NEDD4L: variants seen among roughly 807,000 people sequenced by gnomAD.
NEDD4L encodes E3 ubiquitin-protein ligase NEDD4-like.
NEDD4L carries 54 observed loss-of-function variants against 148.9 expected under a neutral mutation model. That is an observed-to-expected ratio of 0.36 (90% confidence interval 0.29 to 0.45). The LOEUF (loss-of-function observed/expected upper bound fraction) is 0.45. Among genes scored for constraint, NEDD4L ranks in the 20% least tolerant of loss-of-function variants. The pLI, the probability that NEDD4L is intolerant of heterozygous loss-of-function variation, is 1.00. For synonymous variants in NEDD4L, 433 were observed against 440.7 expected (o/e 0.98, Z 0.22); for missense variants, 856 against 1,233.8 (o/e 0.69, Z 4.59).
At chr18:58,118,622 A>G (rs991947488) in intron 1 of NEDD4L, among the ~76,000 whole-genome samples, 2 of 151,742 alleles carry the variant, frequency 1.3e-5, no homozygotes, top group East Asian at 3.9e-4. Context: ...GTGTGTATGT[A>G]TGTGTCTGTG....
Position 58,335,522 on chromosome 18 carries a change from T to C in NEDD4L, c.1110T>C (p.Gly370=). Residue 370 remains glycine (G), a synonymous_variant, in exon 13 of 31, where the codon GGT becomes GGC. Coordinates refer to ENST00000400345, the MANE Select transcript of NEDD4L (RefSeq NM_001144967.3). ...AGRARSSTVT[G]GEEPTPSVAY... ...GAGCGCGTTCATCAACTGTCACGGGTGGTGAGGAACCAACGGTAATGATCC... is the reference window on the plus strand; with the variant it reads ...GAGCGCGTTCATCAACTGTCACGGGCGGTGAGGAACCAACGGTAATGATCC... 1 of 1,613,440 alleles carries C rather than the reference T, an allele frequency of 6.2e-7. No homozygotes were observed. The highest frequency in any genetic ancestry group is 1.1e-5 in the South Asian group (1 of 91,060).
At chr18:58,095,600 G>A (rs1189942420) in intron 1 of NEDD4L, among the ~76,000 whole-genome samples, 1 of 152,218 alleles carries the variant, frequency 6.6e-6, no homozygotes, top group Admixed American at 6.5e-5. Flanking sequence ...TTGGTCCCAT[G>A]GAATCCTCGC....
intron 2 of NEDD4L, among the ~76,000 whole-genome samples, chr18:58,179,743 C>A (rs906041367): frequency 6.6e-6 from 1 of 150,828 alleles, no homozygotes; most frequent in Non-Finnish European, 1.5e-5. Context: ...TCCCCCATCA[C>A]CCCTAGATGG....
intron 2 of NEDD4L, among the ~76,000 whole-genome samples, chr18:58,196,284 C>T (rs1208084858): frequency 2.6e-5 from 4 of 152,186 alleles, no homozygotes; most frequent in Non-Finnish European, 4.4e-5. Flanking sequence ...GGACAACATA[C>T]TTCTCTATTG....
intron 1 of NEDD4L, among the ~76,000 whole-genome samples, chr18:58,099,045 GCT>G (rs371075319): frequency 0.028 from 4,221 of 152,146 alleles, 201 homozygotes; most frequent in African/African-American, 0.094. Context: ...CTTTTTTCTA[GCT>G]CCACATTGGG....
At chr18:58,175,725 C>T (rs193196032) in intron 2 of NEDD4L, among the ~76,000 whole-genome samples, 1 of 152,230 alleles carries the variant, frequency 6.6e-6, no homozygotes, top group Non-Finnish European at 1.5e-5. Context: ...TCCCACCCCC[C>T]AAACCGAAAT....
chr18:58,363,685 A>G (rs1208389697), intron 19 of NEDD4L, among the ~76,000 whole-genome samples: 3 of 152,228 alleles, frequency 2.0e-5, no homozygotes, highest in African/African-American at 7.2e-5. Context: ...TGAGATTTAA[A>G]GAAATCCTTG....
chr18:58,156,834 C>T (rs1345936384), intron 1 of NEDD4L, among the ~76,000 whole-genome samples: 1 of 152,120 alleles, frequency 6.6e-6, no homozygotes, highest in Admixed American at 6.5e-5. Context: ...GCCACCTCCT[C>T]CTCCTTCCCA....
intron 19 of NEDD4L, among the ~76,000 whole-genome samples, chr18:58,357,769 C>T (rs1056763289): frequency 1.1e-4 from 17 of 152,044 alleles, no homozygotes; most frequent in Admixed American, 7.9e-4. Flanking sequence ...TCATATATGC[C>T]GGGTGGAAAA....
chr18:58,124,554 C>T (rs1446302066), intron 1 of NEDD4L, among the ~76,000 whole-genome samples: 1 of 152,094 alleles, frequency 6.6e-6, no homozygotes, highest in African/African-American at 2.4e-5. Context: ...GCCTCCTCAC[C>T]TCTGTGCTCC....
intron 5 of NEDD4L, among the ~76,000 whole-genome samples, chr18:58,262,778 G>T (rs1382484176): frequency 2.0e-5 from 3 of 152,198 alleles, no homozygotes; most frequent in African/African-American, 7.2e-5. Context: ...GAGAATAAAT[G>T]AGTAACTCAG....
At chr18:58,234,227 T>TC (rs1246268531) in intron 2 of NEDD4L, among the ~76,000 whole-genome samples, 1 of 137,020 alleles carries the variant, frequency 7.3e-6, no homozygotes, top group Admixed American at 7.3e-5. Flanking sequence ...CTTCCTTCCT[T>TC]CTTTCTTTTA....
At chr18:58,270,693 G>A (rs1026430401) in intron 5 of NEDD4L, among the ~76,000 whole-genome samples, 1 of 152,104 alleles carries the variant, frequency 6.6e-6, no homozygotes, top group Non-Finnish European at 1.5e-5. Flanking sequence ...ATGATCTTGA[G>A]ATGTTTGCTG....
Position 58,256,591 on chromosome 18 carries a change from C to CCGCA in NEDD4L, c.297+4538_297+4541dup. On this transcript the variant is annotated intron_variant, in intron 5 of 30. Coordinates refer to ENST00000400345, the MANE Select transcript of NEDD4L (RefSeq NM_001144967.3). This position sits in a 1 kb window ranked among gnomAD's most constrained non-coding sequence, Gnocchi z 5.2. ...GAGCTGGCAGGATGGCTCCTGAAAT[C>CCGCA]CGCAGGACGAACTCCGCGGAGAGGA... The CCGCA allele has an allele frequency of 1.6e-6, 2 of 1,232,266 alleles. No individual in the cohort carries two copies. Among genetic ancestry groups the CCGCA allele is most frequent in the Non-Finnish European group, 2.0e-6 (2 of 988,062 alleles). The allele number at this position is 1,232,266 out of a possible 1,614,324, so 76.3% of individuals were successfully genotyped here. A position where few individuals can be genotyped will look rare whatever the true frequency, so the allele number is the denominator to read the frequency against.
intron 2 of NEDD4L, among the ~76,000 whole-genome samples, chr18:58,225,188 G>T (rs1174875468): frequency 6.6e-6 from 1 of 152,188 alleles, no homozygotes; most frequent in Non-Finnish European, 1.5e-5. Context: ...CCTGTCACCC[G>T]TGTGGAACTG....
At chr18:58,253,898 A>G (rs771400836) in intron 5 of NEDD4L, among the ~76,000 whole-genome samples, 7 of 152,186 alleles carry the variant, frequency 4.6e-5, no homozygotes, top group African/African-American at 7.2e-5. Context: ...AATACAAGCT[A>G]TATCTGAAAA....
chr18:58,050,443 C>G (rs1156910634), intron 1 of NEDD4L, among the ~76,000 whole-genome samples: 7 of 151,846 alleles, frequency 4.6e-5, no homozygotes, highest in African/African-American at 1.7e-4. Flanking sequence ...GCACTCCAGA[C>G]TGGGTGACAG....
rs149106354 is a variant in NEDD4L, at chr18:58,240,204, G to A, written c.123-5223G>A. 3.8e-3 allele frequency among the ~76,000 whole-genome samples: 578 copies of A among 151,802 alleles called. 2 individuals are homozygous for A. Among genetic ancestry groups the A allele is most frequent in the African/African-American group, 0.012 (498 of 41,380 alleles). On this transcript the variant is annotated intron_variant, in intron 2 of 30. Transcript: ENST00000400345. ...TTTTTTCAGATGTAATCTTTTATGTGACAGTGAGGTGTCTTACTTGTGAGT... is the reference window on the plus strand; with the variant it reads ...TTTTTTCAGATGTAATCTTTTATGTAACAGTGAGGTGTCTTACTTGTGAGT...
chr18:58,162,168 A>C (rs1278597532), intron 1 of NEDD4L, among the ~76,000 whole-genome samples: 1 of 152,130 alleles, frequency 6.6e-6, no homozygotes, highest in Non-Finnish European at 1.5e-5. Context: ...CCCTCACAGC[A>C]GCCACAGTGG....
Sources: gnomAD v4.1 joint callset for allele counts (sites outside exome capture counted in the v4.1 genomes callset) on GRCh38, gnomAD v4.1.1 for gene constraint, Gnocchi (gnomAD v3.1) non-coding constraint, MANE v1.5 for transcripts, NCBI Gene and HGNC (gene_info 2026-07-23, HGNC 2026-07-21) for gene names.